TAFA4: variants seen among roughly 807,000 people sequenced by gnomAD.
TAFA4 encodes TAFA chemokine like family member 4, also known as chemokine-like protein TAFA-4.
In TAFA4, 20 loss-of-function variants were observed where a neutral mutation model predicts 21.1. The ratio of observed to expected loss-of-function variants is 0.95; its 90% CI spans 0.67 to 1.38. The LOEUF (loss-of-function observed/expected upper bound fraction) is 1.38, where lower values mean the gene tolerates loss of function less well. Among genes scored for constraint, TAFA4 ranks in the 40% most tolerant of loss-of-function variants. The probability of loss-of-function intolerance (pLI) is 0.00; values close to 1 mark genes in which losing one functional copy is unlikely to be tolerated. For synonymous variants in TAFA4, 71 were observed against 67.4 expected, an observed-to-expected ratio of 1.05 and a Z score of -0.26; for missense variants, 211 against 180.9, an observed-to-expected ratio of 1.17 and a Z score of -0.95.
intron 2 of TAFA4, among the ~76,000 whole-genome samples, chr3:68,884,411 C>T (rs886513517): frequency 3.9e-5 from 6 of 152,206 alleles, no homozygotes; most frequent in African/African-American, 1.2e-4. Flanking sequence ...CCAGAAGGGT[C>T]CACTGTGGTT....
At chr3:68,919,664 A>G (rs1454464102) in intron 1 of TAFA4, among the ~76,000 whole-genome samples, 2 of 152,212 alleles carry the variant, frequency 1.3e-5, no homozygotes, top group Non-Finnish European at 2.9e-5. Flanking sequence ...CATGTTGCTT[A>G]GTGGCTCTCA....
At chr3:68,924,265 A>G (rs2090086399) in intron 1 of TAFA4, among the ~76,000 whole-genome samples, 1 of 152,214 alleles carries the variant, frequency 6.6e-6, no homozygotes. Flanking sequence ...ATAAAAAATA[A>G]AGTGTGGGCT....
chr3:68,752,321 T>C (rs1702570116), intron 4 of TAFA4, among the ~76,000 whole-genome samples: 1 of 152,154 alleles, frequency 6.6e-6, no homozygotes, highest in Admixed American at 6.6e-5. Context: ...TCAACATTCA[T>C]ATATATTTTT....
intron 1 of TAFA4, among the ~76,000 whole-genome samples, chr3:68,885,989 A>G (rs894553929): frequency 6.6e-6 from 1 of 152,238 alleles, no homozygotes; most frequent in Non-Finnish European, 1.5e-5. Flanking sequence ...TAAGAAAAAA[A>G]CAGAACATGA....
At chr3:68,904,771 A>C (rs1575666239) in intron 1 of TAFA4, among the ~76,000 whole-genome samples, 1 of 152,314 alleles carries the variant, frequency 6.6e-6, no homozygotes, top group East Asian at 1.9e-4. Flanking sequence ...TCAACTCCTC[A>C]CTTCTGCTGA....
At chr3:68,797,115 A>T (rs1460960907) in intron 3 of TAFA4, among the ~76,000 whole-genome samples, 1 of 152,240 alleles carries the variant, frequency 6.6e-6, no homozygotes, top group Non-Finnish European at 1.5e-5. Flanking sequence ...TAAAAACAGA[A>T]TTACCACATG....
Position 68,756,371 on chromosome 3 carries a change from T to G in TAFA4, c.131-3353A>C, listed in dbSNP as rs537846574. On this transcript the variant is annotated intron_variant, in intron 3 of 5. Transcript: ENST00000295569. ...CAGATACATCCATTTACATATAAAT[T>G]GTTGTGTGAATTGTAAGCAATTTCA... Among the ~76,000 whole-genome samples the G allele has an allele frequency of 1.9e-3, 294 of 152,348 alleles. 2 individuals are homozygous for G. The highest frequency in any genetic ancestry group is 6.9e-3 in the African/African-American group (288 of 41,576).
rs1036433127 is a variant in TAFA4, at chr3:68,897,276, G to C, written c.-122-11966C>G. Among the ~76,000 whole-genome samples, 9 of 152,216 alleles carry C rather than the reference G, an allele frequency of 5.9e-5. No homozygotes were observed. The South Asian group carries it at 1.9e-3, about 31-fold the overall frequency. ...CAAATTTATAGTTCATCTTCAGTAA[G>C]TGAACAGGACCTTTCACCATGCCTT... On this transcript the variant is annotated intron_variant, in intron 1 of 5. Transcript: ENST00000295569.
Position 68,880,723 on chromosome 3 carries a change from G to C in TAFA4, c.130+7C>G. On this transcript the variant is annotated splice_region_variant and intron_variant, in intron 3 of 5. Coordinates refer to ENST00000295569, the MANE Select transcript of TAFA4 (RefSeq NM_182522.5). ...TCAGCAGTGCATAATGAGCTTAAAG[G>C]GCTTACCTGCATGTCCCCGGAGGTG... is the stretch of plus-strand genomic sequence containing the variant. 6.2e-7 allele frequency: 1 copy of C among 1,613,032 alleles called. No individual in the cohort carries two copies. The highest frequency in any genetic ancestry group is 1.3e-5 in the African/African-American group (1 of 74,984).
intron 1 of TAFA4, among the ~76,000 whole-genome samples, chr3:68,920,098 T>C (rs2090043600): frequency 6.6e-6 from 1 of 152,346 alleles, no homozygotes; most frequent in African/African-American, 2.4e-5. Flanking sequence ...GGGAAAAATC[T>C]GAATGCCCAT....
At chr3:68,877,195 C>T (rs535324786) in intron 3 of TAFA4, among the ~76,000 whole-genome samples, 1 of 152,076 alleles carries the variant, frequency 6.6e-6, no homozygotes, top group African/African-American at 2.4e-5. Context: ...CCCACCTCTA[C>T]TAAAAATACA....
At chr3:68,745,668 T>C (rs185550966) in intron 4 of TAFA4, among the ~76,000 whole-genome samples, 3 of 152,340 alleles carry the variant, frequency 2.0e-5, no homozygotes, top group Non-Finnish European at 2.9e-5. Context: ...CTCTCTATTG[T>C]ATAAAATGAG....
intron 3 of TAFA4, among the ~76,000 whole-genome samples, chr3:68,853,250 C>A (rs1485445800): frequency 2.0e-5 from 3 of 151,728 alleles, no homozygotes; most frequent in Non-Finnish European, 2.9e-5. Context: ...TTTTTTTTCT[C>A]TGCTAGTATT....
intron 3 of TAFA4, among the ~76,000 whole-genome samples, chr3:68,857,308 T>C (rs1705092587): frequency 6.6e-6 from 1 of 152,298 alleles, no homozygotes; most frequent in South Asian, 2.1e-4. Flanking sequence ...AATAAGGGAC[T>C]ATCATGGCCT....
chr3:68,848,330 A>C (rs570695865), intron 3 of TAFA4, among the ~76,000 whole-genome samples: 12 of 152,340 alleles, frequency 7.9e-5, no homozygotes, highest in African/African-American at 2.4e-4. Context: ...GATGAGAGAC[A>C]ATGAATCAGA....
At chr3:68,740,347 C>T (rs1168084786) in intron 4 of TAFA4, among the ~76,000 whole-genome samples, 2 of 152,156 alleles carry the variant, frequency 1.3e-5, no homozygotes, top group African/African-American at 4.8e-5. Flanking sequence ...CTAAAAATTT[C>T]CATCATACAT....
chr3:68,768,123 A>G (rs1702890282), intron 3 of TAFA4, among the ~76,000 whole-genome samples: 1 of 152,144 alleles, frequency 6.6e-6, no homozygotes, highest in African/African-American at 2.4e-5. Context: ...ATAGGATTAC[A>G]TCTAAAAAGG....
intron 3 of TAFA4, among the ~76,000 whole-genome samples, chr3:68,825,770 T>C (rs988275714): frequency 7.9e-5 from 12 of 152,334 alleles, no homozygotes; most frequent in African/African-American, 2.9e-4. Context: ...TCTGTGACCA[T>C]TCTGCCCTTC....
chr3:68,798,133 G>A lies in TAFA4; in HGVS notation c.131-45115C>T, dbSNP rs201411000. Among the ~76,000 whole-genome samples, 12 of 152,122 alleles carry A rather than the reference G, an allele frequency of 7.9e-5. No homozygotes were observed. In the East Asian group the frequency reaches 2.3e-3, roughly 29 times the overall value. ...GACGATCCTGTTTTTATTAAAAGGT[G>A]GCATGGCAATATTCTTTCCTCTTTT... On this transcript the variant is annotated intron_variant, in intron 3 of 5. Coordinates refer to ENST00000295569, the MANE Select transcript of TAFA4 (RefSeq NM_182522.5).
Sources: allele counts gnomAD v4.1 joint callset (sites outside exome capture counted in the v4.1 genomes callset), GRCh38; gene constraint gnomAD v4.1.1; transcripts MANE v1.5; gene names NCBI Gene and HGNC (gene_info 2026-07-23, HGNC 2026-07-21).